The following MYH11 variants were observed in gnomAD, a reference collection of about 807,000 sequenced individuals.
MYH11 encodes myosin-11.
MYH11 carries 80 observed loss-of-function variants against 246.6 expected under a neutral mutation model. The ratio of observed to expected loss-of-function variants is 0.32; its 90% CI spans 0.27 to 0.39. The LOEUF (loss-of-function observed/expected upper bound fraction) is 0.39, where lower values mean the gene tolerates loss of function less well. Among genes scored for constraint, MYH11 ranks in the 10% least tolerant of loss-of-function variants. The pLI, the probability that MYH11 is intolerant of heterozygous loss-of-function variation, is 1.00. For synonymous variants in MYH11, 1,071 were observed against 1,015.5 expected (o/e 1.05, Z -1.04); for missense variants, 2,158 against 2,546.8 (o/e 0.85, Z 3.29).
At chr16:15,805,124 C>G (rs900868785) in intron 3 of MYH11, among the ~76,000 whole-genome samples, 9 of 152,312 alleles carry the variant, frequency 5.9e-5, no homozygotes, top group African/African-American at 1.9e-4. Flanking sequence ...CACTTGACCT[C>G]CTACCTGCAG....
At chr16:15,803,983 G>A (rs2042951148) in intron 3 of MYH11, among the ~76,000 whole-genome samples, 1 of 152,176 alleles carries the variant, frequency 6.6e-6, no homozygotes, top group African/African-American at 2.4e-5. Context: ...CAACCCGTGT[G>A]GAGCACAGGG....
At chr16:15,792,008 A>C (rs1402879575) in intron 4 of MYH11, 1 of 152,140 alleles carries the variant, frequency 6.6e-6, no homozygotes, top group Non-Finnish European at 1.5e-5. Flanking sequence ...AAATGAGTGA[A>C]CATTTATATA....
chr16:15,851,472 C>A (rs947980336), intron 1 of MYH11, among the ~76,000 whole-genome samples: 5 of 152,154 alleles, frequency 3.3e-5, no homozygotes, highest in African/African-American at 4.8e-5. Flanking sequence ...AAGACCCCCA[C>A]TTGTAAAATT....
At chr16:15,804,396 C>T (rs1255044805) in intron 3 of MYH11, among the ~76,000 whole-genome samples, 1 of 152,092 alleles carries the variant, frequency 6.6e-6, no homozygotes, top group East Asian at 1.9e-4. Context: ...GTGGTGCACA[C>T]CTGTAATCCC....
chr16:15,831,501 A>G (rs1216709773), intron 2 of MYH11, among the ~76,000 whole-genome samples: 2 of 74,944 alleles, frequency 2.7e-5, no homozygotes, highest in Non-Finnish European at 5.8e-5. Flanking sequence ...GTGTGTGTAC[A>G]TACATGAACC....
At chr16:15,707,167 T>C (rs1279737400) in intron 40 of MYH11, among the ~76,000 whole-genome samples, 1 of 152,128 alleles carries the variant, frequency 6.6e-6, no homozygotes, top group Non-Finnish European at 1.5e-5. Flanking sequence ...GCCTTCCAAG[T>C]AACTGGGACT....
chr16:15,731,576 C>T (rs1001059556), intron 27 of MYH11, among the ~76,000 whole-genome samples: 2 of 151,950 alleles, frequency 1.3e-5, no homozygotes, highest in African/African-American at 2.4e-5. Context: ...ACTGCAACCT[C>T]TTCCTCCTGG....
intron 4 of MYH11, among the ~76,000 whole-genome samples, chr16:15,790,026 C>T (rs186175949): frequency 2.6e-5 from 4 of 152,200 alleles, no homozygotes; most frequent in South Asian, 2.1e-4. Context: ...AAGACATCAC[C>T]GGGTGTGGTG....
chr16:15,844,293 G>A (rs1477363448), intron 1 of MYH11, among the ~76,000 whole-genome samples: 3 of 152,110 alleles, frequency 2.0e-5, no homozygotes, highest in African/African-American at 7.2e-5. Flanking sequence ...CACCTCCTAG[G>A]TTCAAGTGAT....
At chr16:15,810,921 C>T (rs1456548853) in intron 3 of MYH11, among the ~76,000 whole-genome samples, 2 of 152,170 alleles carry the variant, frequency 1.3e-5, no homozygotes, top group Admixed American at 1.3e-4. Flanking sequence ...TCTGAATCGG[C>T]AGGACAGGAT....
intron 1 of MYH11, among the ~76,000 whole-genome samples, chr16:15,844,044 C>T (rs2044125020): frequency 6.6e-6 from 1 of 152,142 alleles, no homozygotes; most frequent in Admixed American, 6.5e-5. Context: ...ACATTACATG[C>T]CTGCAGATGG....
At chr16:15,797,190 A>C (rs1203866219) in intron 4 of MYH11, among the ~76,000 whole-genome samples, 2 of 152,034 alleles carry the variant, frequency 1.3e-5, no homozygotes, top group Admixed American at 6.6e-5. Context: ...TCAACCCCAA[A>C]CTTATTAATT....
At position 15,821,811 on chromosome 16, in the gene MYH11, G is replaced by A. The variant is rs7185214; in HGVS notation, c.502+1444C>T. 2.2e-5 allele frequency among the ~76,000 whole-genome samples: 3 copies of A among 136,968 alleles called. 1 individual carries two copies. Among genetic ancestry groups the A allele is most frequent in the African/African-American group, 8.1e-5 (3 of 36,986 alleles). 89.9% of individuals were successfully genotyped at this position (136,968 alleles called of 152,430 possible). A position where few individuals can be genotyped will look rare whatever the true frequency, so the allele number is the denominator to read the frequency against. On this transcript the variant is annotated intron_variant, in intron 3 of 40. Transcript: ENST00000300036. ...CGGGCGCCTGTAGTCCCAGCTACTC[G>A]GGAGGCTGAGGCAGGAGAATGGCGT...
chr16:15,755,180 G>A (rs1310682371), intron 14 of MYH11, among the ~76,000 whole-genome samples: 2 of 152,212 alleles, frequency 1.3e-5, no homozygotes, highest in Non-Finnish European at 2.9e-5. Context: ...TGGAGGTACT[G>A]AGGAGTCAAT....
At chr16:15,742,235 C>T (rs1227254533) in intron 20 of MYH11, 1 of 412,132 alleles carries the variant, frequency 2.4e-6, no homozygotes, top group African/African-American at 2.0e-5. Context: ...ATCTTCCCCA[C>T]TTTAGAACCA....
At chr16:15,739,427 G>A (rs765137059) in intron 23 of MYH11, among the ~76,000 whole-genome samples, 1 of 152,066 alleles carries the variant, frequency 6.6e-6, no homozygotes, top group South Asian at 2.1e-4. Flanking sequence ...TATGGTGAAC[G>A]TTTCCTTCAG....
chr16:15,769,133 C>T (rs1596808242), intron 9 of MYH11, among the ~76,000 whole-genome samples: 3 of 152,162 alleles, frequency 2.0e-5, no homozygotes, highest in East Asian at 3.9e-4. Context: ...GCCAACATGG[C>T]GAGACCCAGT....
intron 40 of MYH11, chr16:15,711,089 C>T (rs2039765041): frequency 6.6e-6 from 1 of 152,248 alleles, no homozygotes; most frequent in South Asian, 2.1e-4. Flanking sequence ...CTCTCCTATC[C>T]ATGGGGGACC....
chr16:15,743,389 G>A (rs13335203), intron 20 of MYH11, among the ~76,000 whole-genome samples: 68,574 of 151,954 alleles, frequency 0.45, 16,246 homozygotes, highest in Middle Eastern at 0.58. Context: ...GGCTGGTTTC[G>A]AACTCGTGAA....
Sources: gnomAD v4.1 joint callset for allele counts (sites outside exome capture counted in the v4.1 genomes callset) on GRCh38, gnomAD v4.1.1 for gene constraint, MANE v1.5 for transcripts, NCBI Gene and HGNC (gene_info 2026-07-23, HGNC 2026-07-21) for gene names.